Variants in TMEM19 observed in about 807,000 individuals in gnomAD.
The protein encoded by TMEM19 is transmembrane protein 19.
Under a neutral mutation model 33.6 loss-of-function variants are expected in TMEM19, and 21 were observed. The observed-to-expected ratio is 0.62, with a 90% CI of 0.44 to 0.90. TMEM19 has a LOEUF of 0.90. Ranked by LOEUF, TMEM19 falls within the 40% of genes least tolerant of loss-of-function variation. TMEM19 has a pLI of 0.00. For synonymous variants in TMEM19, 149 were observed against 147.5 expected, an observed-to-expected ratio of 1.01 and a Z score of -0.07; for missense variants, 402 against 401.8, an observed-to-expected ratio of 1.00 and a Z score of 0.00.
At chr12:71,693,376 G>A (rs760440814) in intron 2 of TMEM19, among the ~76,000 whole-genome samples, 4 of 151,788 alleles carry the variant, frequency 2.6e-5, no homozygotes, top group Non-Finnish European at 4.4e-5. Context: ...TTACTGTTTG[G>A]AACTTTTTGT....
rs1565859240 is a variant in TMEM19 at position 71,703,222 on chromosome 12, A to AAAAAAAAAAAAAAT, written c.*2231_*2232insAAAAAAAAATAAAA. On this transcript the variant is annotated 3_prime_UTR_variant, in exon 6 of 6. Transcript: ENST00000266673. ...AAAAAAAAAAAAAAAAAAAAAAAAA[A>AAAAAAAAAAAAAAT]AAAAGAATATTCTAAGCACTAGAAC... The AAAAAAAAAAAAAAT allele has an allele frequency of 2.9e-5, 4 of 139,680 alleles. 1 individual carries two copies. Among genetic ancestry groups the AAAAAAAAAAAAAAT allele is most frequent in the African/African-American group, 1.2e-4 (4 of 33,706 alleles). 8.7% of individuals were successfully genotyped at this position (139,680 alleles called of 1,614,324 possible).
At chr12:71,688,633 G>T (rs1592618040) in intron 1 of TMEM19, among the ~76,000 whole-genome samples, 1 of 152,250 alleles carries the variant, frequency 6.6e-6, no homozygotes, top group Non-Finnish European at 1.5e-5. Context: ...TATCAGGAGG[G>T]GTGGGAACTT....
At chr12:71,695,133 G>C (rs1279585504) in intron 2 of TMEM19, among the ~76,000 whole-genome samples, 1 of 152,188 alleles carries the variant, frequency 6.6e-6, no homozygotes, top group Non-Finnish European at 1.5e-5. Flanking sequence ...GGAGATAGCA[G>C]TTACTAATCT....
chr12:71,698,019 C>T (rs772166430), intron 4 of TMEM19, among the ~76,000 whole-genome samples: 13 of 152,172 alleles, frequency 8.5e-5, no homozygotes, highest in South Asian at 6.2e-4. Flanking sequence ...TTCAGATTTA[C>T]GATTTTCAGA....
chr12:71,692,796 A>G (rs911110961), intron 2 of TMEM19, among the ~76,000 whole-genome samples: 2 of 152,142 alleles, frequency 1.3e-5, no homozygotes, highest in East Asian at 1.9e-4. Flanking sequence ...TGCTAGATAC[A>G]TAATAGATGA....
chr12:71,698,610 AGAGAGAGAGAGAG>A (rs1179450160), intron 4 of TMEM19, among the ~76,000 whole-genome samples: 3,428 of 47,602 alleles, frequency 0.072, 189 homozygotes, highest in African/African-American at 0.13. Context: ...CTCTGAAAAG[AGAGAGAGAGAGAG>A]AGAGAGAGAG....
chr12:71,700,712 T>G, intron 5 of TMEM19, 120 bp from the exon 6 acceptor site: 1 of 1,009,978 alleles, frequency 9.9e-7, no homozygotes, highest in Non-Finnish European at 1.3e-6. Flanking sequence ...GTTCTTTTTT[T>G]AAAATCAAGT....
At chr12:71,692,906 A>C (rs1021503619) in intron 2 of TMEM19, among the ~76,000 whole-genome samples, 3 of 152,118 alleles carry the variant, frequency 2.0e-5, no homozygotes, top group Non-Finnish European at 4.4e-5. Context: ...GTAAAAAAAA[A>C]AATTATGGCC....
chr12:71,696,792 G>A (rs904918301), intron 3 of TMEM19, among the ~76,000 whole-genome samples: 2 of 151,854 alleles, frequency 1.3e-5, no homozygotes, highest in Admixed American at 6.6e-5. Flanking sequence ...GACTACAGGC[G>A]CCTGCAACCA....
chr12:71,689,603 C>T lies in TMEM19; in HGVS notation c.143C>T (p.Pro48Leu). ...TASTYYGNLR[P>L]ISPWRWLFSV... ...TATAATTTTTCAGGTAACTTACGACCTATTTCTCCGTGGCGTTGGCTGTTT... is the reference window on the plus strand; with the variant it reads ...TATAATTTTTCAGGTAACTTACGACTTATTTCTCCGTGGCGTTGGCTGTTT... The change falls in exon 2 of 6, where the codon CCT (proline) becomes CTT (leucine). Residue 48 changes from proline (P) to leucine (L), a missense_variant. Pro to Leu is a moderately conservative substitution (Grantham distance 98). Coordinates refer to ENST00000266673, the MANE Select transcript of TMEM19 (RefSeq NM_018279.4). 2 of 1,614,038 alleles carry T rather than the reference C, an allele frequency of 1.2e-6. No homozygotes were observed. Among genetic ancestry groups the T allele is most frequent in the Non-Finnish European group, 1.7e-6 (2 of 1,179,966 alleles).
chr12:71,698,481 G>A (rs1284417840), intron 4 of TMEM19, among the ~76,000 whole-genome samples: 1 of 152,200 alleles, frequency 6.6e-6, no homozygotes, highest in African/African-American at 2.4e-5. Flanking sequence ...GCTCATGCCT[G>A]TCATCCCAAC....
intron 1 of TMEM19, among the ~76,000 whole-genome samples, chr12:71,688,373 G>T (rs1030401597): frequency 1.3e-5 from 2 of 152,044 alleles, no homozygotes; most frequent in Non-Finnish European, 2.9e-5. Context: ...GGGATTACAG[G>T]TGCCTGCCAC....
chr12:71,697,600 T>TA, intron 4 of TMEM19, 66 bp downstream of exon 4: 5 of 1,495,916 alleles, frequency 3.3e-6, no homozygotes, highest in South Asian at 2.8e-5. Context: ...TGAGATTCTT[T>TA]AAAAAAACCA....
At chr12:71,695,356 C>T (rs1369026987) in intron 2 of TMEM19, among the ~76,000 whole-genome samples, 3 of 152,046 alleles carry the variant, frequency 2.0e-5, no homozygotes, top group Non-Finnish European at 4.4e-5. Flanking sequence ...TTGTGTAGGG[C>T]TCTTCTACCT....
intron 4 of TMEM19, 127 bp downstream of exon 4, chr12:71,697,661 G>A (rs1881899247): frequency 8.3e-7 from 1 of 1,210,956 alleles, no homozygotes; most frequent in Non-Finnish European, 1.1e-6. Context: ...ACTTTATTTA[G>A]TCTCTTTAAA....
In TMEM19 at chr12:71,703,569, T is replaced by G. The variant is rs544075988; in HGVS notation, c.*2574T>G. Reference sequence around the variant, plus strand: ...ATTAACAGTTTGGGGAAGTACTGCTTTGCAGTCCTTTATTTGAAAACTTAG... The same window carrying G: ...ATTAACAGTTTGGGGAAGTACTGCTGTGCAGTCCTTTATTTGAAAACTTAG... On this transcript the variant is annotated 3_prime_UTR_variant, in exon 6 of 6. Coordinates refer to ENST00000266673, the MANE Select transcript of TMEM19 (RefSeq NM_018279.4). 111 of 155,696 alleles carry G rather than the reference T, an allele frequency of 7.1e-4. 2 individuals are homozygous for G. The Middle Eastern group carries it at 0.01, about 14-fold the overall frequency. 9.6% of individuals were successfully genotyped at this position (155,696 alleles called of 1,614,324 possible).
Position 71,696,463 on chromosome 12 carries a change from T to C in TMEM19, c.272T>C (p.Ile91Thr), listed in dbSNP as rs778860497. 10 of 1,612,362 alleles carry C rather than the reference T, an allele frequency of 6.2e-6. No individual in the cohort carries two copies. The highest frequency in any genetic ancestry group is 8.5e-6 in the Non-Finnish European group (10 of 1,179,154). The stretch of plus-strand genomic sequence containing the variant: ...CTAGTCGTTGGATTTATCCTAACCA[T>C]TGCAAATTTCAGCTTTTTTACCTCT... ...GGLVVGFILT[I>T]ANFSFFTSLL... Residue 91 changes from isoleucine (I) to threonine (T), a missense_variant, in exon 3 of 6, where the codon ATT (isoleucine) becomes ACT (threonine). Coordinates refer to ENST00000266673, the MANE Select transcript of TMEM19 (RefSeq NM_018279.4).
chr12:71,691,302 T>C (rs1473135854), intron 2 of TMEM19, among the ~76,000 whole-genome samples: 3 of 152,170 alleles, frequency 2.0e-5, no homozygotes, highest in Non-Finnish European at 2.9e-5. Flanking sequence ...TTTTACCATA[T>C]AATCAATAAG....
At chr12:71,696,645 T>C (rs1881876592) in intron 3 of TMEM19, 72 bp downstream of exon 3, 1 of 1,385,558 alleles carries the variant, frequency 7.2e-7, no homozygotes, top group Non-Finnish European at 9.6e-7. Flanking sequence ...TTTTTTGTTT[T>C]TGTTTTTGTT....
Sources: allele counts gnomAD v4.1 joint callset (sites outside exome capture counted in the v4.1 genomes callset), GRCh38; gene constraint gnomAD v4.1.1; transcripts MANE v1.5; gene names NCBI Gene and HGNC (gene_info 2026-07-23, HGNC 2026-07-21).